EPHX4: variants seen among roughly 807,000 people sequenced by gnomAD.
EPHX4 encodes abhydrolase domain containing 7.
EPHX4 carries 31 observed loss-of-function variants against 44.9 expected under a neutral mutation model. That is an observed-to-expected ratio of 0.69 (90% CI 0.52 to 0.93). EPHX4 has a LOEUF of 0.93. EPHX4 is among the 40% of genes least tolerant of loss of function. The pLI is 0.00. For synonymous variants in EPHX4, 151 were observed against 159.7 expected (o/e 0.95, Z 0.41); for missense variants, 373 against 438.1 (o/e 0.85, Z 1.33).
chr1:92,059,542 A>G (rs758762370), intron 6 of EPHX4, among the ~76,000 whole-genome samples: 4 of 152,242 alleles, frequency 2.6e-5, no homozygotes, highest in Non-Finnish European at 4.4e-5. Flanking sequence ...TGGGGAAGGA[A>G]GAAATAATAA....
intron 6 of EPHX4, among the ~76,000 whole-genome samples, chr1:92,058,433 C>A (rs574611110): frequency 6.7e-6 from 1 of 149,150 alleles, no homozygotes. Context: ...AAGAGCGAAA[C>A]CCCGTCTCAG....
intron 6 of EPHX4, among the ~76,000 whole-genome samples, chr1:92,053,074 A>G (rs992911349): frequency 3.3e-5 from 5 of 152,238 alleles, no homozygotes; most frequent in Non-Finnish European, 5.9e-5. Flanking sequence ...CTTGTAGCCT[A>G]ATAGGGAAAA....
rs66834073 is a variant in EPHX4, at chr1:92,042,724, CAAAAAAA to C, written c.318-86_318-80del. On this transcript the variant is annotated intron_variant, in intron 2 of 6. Transcript: ENST00000370383. Reference sequence around the variant, plus strand: ...TGGGTGACAGAGCAAAACTCTGTCTCAAAAAAAAAAAAAAAAAAAGAAAGGAAAAAGA... The same window carrying C: ...TGGGTGACAGAGCAAAACTCTGTCTCAAAAAAAAAAAAGAAAGGAAAAAGA... The C allele has an allele frequency of 9.1e-5, 63 of 690,800 alleles. No individual in the cohort carries two copies. The East Asian group carries it at 2.2e-3, about 24-fold the overall frequency. 42.8% of individuals were successfully genotyped at this position (690,800 alleles called of 1,614,324 possible).
rs1190296436 is a variant in EPHX4 at position 92,052,403 on chromosome 1, A to G, written c.709-107A>G. ...CTCAAACTTGGCTAGAGCAGAAATTAGGAGTTGTCACCACACAATGACCAC... is the reference window on the plus strand; with the variant it reads ...CTCAAACTTGGCTAGAGCAGAAATTGGGAGTTGTCACCACACAATGACCAC... On this transcript the variant is annotated intron_variant, in intron 5 of 6. Transcript: ENST00000370383. 2.9e-6 allele frequency: 3 copies of G among 1,019,752 alleles called. No individual in the cohort carries two copies. In the African/African-American group the frequency reaches 4.9e-5, roughly 17 times the overall value. The allele number at this position is 1,019,752 out of a possible 1,614,324, so 63.2% of individuals were successfully genotyped here. A position where few individuals can be genotyped will look rare whatever the true frequency, so the allele number is the denominator to read the frequency against.
intron 6 of EPHX4, among the ~76,000 whole-genome samples, chr1:92,061,358 C>T (rs1308080683): frequency 1.3e-5 from 2 of 152,172 alleles, no homozygotes; most frequent in East Asian, 3.8e-4. Context: ...TGAATTGCCA[C>T]AAATCAGGCT....
chr1:92,041,129 G>T (rs1193887003), intron 2 of EPHX4, among the ~76,000 whole-genome samples: 3 of 151,878 alleles, frequency 2.0e-5, no homozygotes, highest in African/African-American at 7.3e-5. Context: ...GATTAATTCT[G>T]CAGTTCCATG....
intron 2 of EPHX4, among the ~76,000 whole-genome samples, chr1:92,034,027 T>C (rs1688399885): frequency 9.1e-6 from 1 of 110,276 alleles, no homozygotes; most frequent in African/African-American, 3.3e-5. Flanking sequence ...TTAATGAACA[T>C]CTTTAAAAGA....
At chr1:92,061,800 G>A (rs1647503880) in intron 6 of EPHX4, among the ~76,000 whole-genome samples, 1 of 152,068 alleles carries the variant, frequency 6.6e-6, no homozygotes, top group South Asian at 2.1e-4. Context: ...TGTCTATATT[G>A]CATTATATTT....
chr1:92,047,447 G>A (rs777789253), intron 4 of EPHX4, among the ~76,000 whole-genome samples: 1 of 151,196 alleles, frequency 6.6e-6, no homozygotes, highest in Admixed American at 6.6e-5. Flanking sequence ...CAAAAAAATT[G>A]TAGAAGTGCT....
chr1:92,048,042 A>G (rs1384315506), intron 4 of EPHX4, among the ~76,000 whole-genome samples: 1 of 152,216 alleles, frequency 6.6e-6, no homozygotes, highest in Non-Finnish European at 1.5e-5. Flanking sequence ...TTCAAGTACT[A>G]CTACTACCCA....
intron 2 of EPHX4, among the ~76,000 whole-genome samples, chr1:92,039,830 T>C (rs941923532): frequency 6.6e-6 from 1 of 152,030 alleles, no homozygotes; most frequent in Non-Finnish European, 1.5e-5. Context: ...ATTTTTGTAT[T>C]TTTAGTAGAG....
chr1:92,062,274 T>G (rs984554346), intron 6 of EPHX4, among the ~76,000 whole-genome samples: 1 of 151,800 alleles, frequency 6.6e-6, no homozygotes, highest in Non-Finnish European at 1.5e-5. Flanking sequence ...ATTCAGTAAT[T>G]CTGGTATCCT....
At chr1:92,045,350 G>T (rs755899696) in intron 3 of EPHX4, among the ~76,000 whole-genome samples, 182 bp from the exon 4 acceptor site, 1 of 151,768 alleles carries the variant, frequency 6.6e-6, no homozygotes, top group African/African-American at 2.4e-5. Context: ...GGTTTAGAGT[G>T]GAGCTATATA....
chr1:92,052,360 A>T, intron 5 of EPHX4, 150 bp from the exon 6 acceptor site: 1 of 686,040 alleles, frequency 1.5e-6, no homozygotes, highest in Non-Finnish European at 2.5e-6. Context: ...TAGAATATAT[A>T]TGTATAAACA....
At chr1:92,043,301 C>T (rs1252400493) in intron 3 of EPHX4, 2 of 175,776 alleles carry the variant, frequency 1.1e-5, no homozygotes, top group African/African-American at 4.8e-5. Context: ...CACCTGAGGT[C>T]AGAGTTTAAG....
At chr1:92,051,465 T>A (rs1427003044) in intron 5 of EPHX4, among the ~76,000 whole-genome samples, 3 of 152,176 alleles carry the variant, frequency 2.0e-5, no homozygotes, top group Non-Finnish European at 2.9e-5. Flanking sequence ...AATTTTTTTT[T>A]AATATCACTT....
intron 6 of EPHX4, among the ~76,000 whole-genome samples, chr1:92,056,850 A>G (rs1647381335): frequency 1.3e-5 from 2 of 152,066 alleles, no homozygotes; most frequent in South Asian, 2.1e-4. Flanking sequence ...CTTAACCAAT[A>G]CCAAAAAATA....
Position 92,030,165 on chromosome 1 carries a change from G to T in EPHX4, c.86G>T (p.Gly29Val), listed in dbSNP as rs369628033. ...TGGTCCCTGGTCTACTGCTACTGCG[G>T]GCTCTGCGCCTCCATCCACCTGCTC... ...LFWSLVYCYC[G>V]LCASIHLLKL... The change falls in exon 1 of 7, where the codon GGG becomes GTG. Residue 29 changes from glycine to valine, a missense_variant. Gly to Val is a moderately radical substitution (Grantham distance 109). Transcript: ENST00000370383. 6.2e-7 allele frequency: 1 copy of T among 1,612,674 alleles called. No individual in the cohort carries two copies. Among genetic ancestry groups the T allele is most frequent in the Non-Finnish European group, 8.5e-7 (1 of 1,179,384 alleles).
At chr1:92,044,499 A>C (rs1688555442) in intron 3 of EPHX4, among the ~76,000 whole-genome samples, 1 of 152,208 alleles carries the variant, frequency 6.6e-6, no homozygotes, top group Non-Finnish European at 1.5e-5. Flanking sequence ...TCCAGGAATA[A>C]ATTACAAATG....
Sources: gnomAD v4.1 joint callset for allele counts (sites outside exome capture counted in the v4.1 genomes callset) on GRCh38, gnomAD v4.1.1 for gene constraint, MANE v1.5 for transcripts, NCBI Gene and HGNC (gene_info 2026-07-23, HGNC 2026-07-21) for gene names.